Variants in CBFB observed in about 807,000 individuals in gnomAD.
CBFB encodes the protein core-binding factor subunit beta.
A neutral mutation model predicts 30.4 loss-of-function variants in CBFB; 9 were observed. The ratio of observed to expected loss-of-function variants is 0.30; its 90% CI spans 0.18 to 0.52. The LOEUF is 0.52. CBFB is among the 20% of genes least tolerant of loss of function. The pLI is 0.97. For missense variants in CBFB, 170 were observed against 244.0 expected (o/e 0.70, Z 2.02); for synonymous variants, 94 against 84.0 (o/e 1.12, Z -0.65).
At chr16:67,073,494 C>G (rs1366058731) in intron 4 of CBFB, among the ~76,000 whole-genome samples, 1 of 152,226 alleles carries the variant, frequency 6.6e-6, no homozygotes, top group Non-Finnish European at 1.5e-5. Flanking sequence ...CTTGTAATCC[C>G]TGCACTCTTG....
chr16:67,057,856 A>G (rs770988356), intron 3 of CBFB, among the ~76,000 whole-genome samples: 26 of 152,156 alleles, frequency 1.7e-4, no homozygotes, highest in Admixed American at 2.6e-4. Flanking sequence ...GTTTTGTTCC[A>G]TTAAGTTGTA....
intron 3 of CBFB, among the ~76,000 whole-genome samples, chr16:67,051,074 C>G (rs1966730410): frequency 6.6e-6 from 1 of 152,144 alleles, no homozygotes; most frequent in Admixed American, 6.5e-5. Context: ...TAACTGAAAT[C>G]ATGGAGAGCA....
At chr16:67,047,469 A>T (rs8050887) in intron 3 of CBFB, among the ~76,000 whole-genome samples, 2 of 152,062 alleles carry the variant, frequency 1.3e-5, no homozygotes, top group African/African-American at 4.8e-5. Context: ...AGATGTAAAG[A>T]CAGGTTAATC....
At chr16:67,062,238 G>A (rs1339328302) in intron 3 of CBFB, among the ~76,000 whole-genome samples, 1 of 148,998 alleles carries the variant, frequency 6.7e-6, no homozygotes, top group African/African-American at 2.5e-5. Context: ...GCATGATCTC[G>A]GCTCACTGCA....
intron 3 of CBFB, among the ~76,000 whole-genome samples, chr16:67,053,925 G>A (rs191253326): frequency 1.3e-5 from 2 of 150,684 alleles, no homozygotes; most frequent in East Asian, 2.0e-4. Context: ...GTGAGTCAAA[G>A]CACATCACCT....
chr16:67,032,495 G>A (rs1384621909), intron 2 of CBFB, among the ~76,000 whole-genome samples: 2 of 152,122 alleles, frequency 1.3e-5, no homozygotes, highest in Non-Finnish European at 2.9e-5. Context: ...GGAATTTCAC[G>A]TTTCCTAGTT....
At chr16:67,031,611 A>G (rs754462508) in intron 2 of CBFB, among the ~76,000 whole-genome samples, 1 of 152,200 alleles carries the variant, frequency 6.6e-6, no homozygotes, top group Non-Finnish European at 1.5e-5. Flanking sequence ...CCTGGGTTAA[A>G]GCGATTCTCC....
At chr16:67,079,943 T>A (rs1171348789) in intron 4 of CBFB, among the ~76,000 whole-genome samples, 1 of 152,140 alleles carries the variant, frequency 6.6e-6, no homozygotes, top group Admixed American at 6.5e-5. Flanking sequence ...GGTCAGGAGT[T>A]CGAGACCAGC....
At chr16:67,090,313 A>G (rs1961847970) in intron 5 of CBFB, among the ~76,000 whole-genome samples, 1 of 152,212 alleles carries the variant, frequency 6.6e-6, no homozygotes, top group Non-Finnish European at 1.5e-5. Context: ...AAAAATAAAA[A>G]ATAATCACAG....
intron 3 of CBFB, among the ~76,000 whole-genome samples, chr16:67,037,020 T>C (rs1304498376): frequency 1.3e-5 from 2 of 152,096 alleles, no homozygotes; most frequent in Non-Finnish European, 2.9e-5. Context: ...TGCCTCAGCC[T>C]CCTGAGTAGC....
chr16:67,037,009 C>A (rs867910400), intron 3 of CBFB, among the ~76,000 whole-genome samples: 43 of 152,114 alleles, frequency 2.8e-4, no homozygotes, highest in African/African-American at 1.0e-3. Context: ...AGCGATTCTC[C>A]TGCCTCAGCC....
At chr16:67,065,440 C>T (rs1961025882) in intron 3 of CBFB, among the ~76,000 whole-genome samples, 1 of 152,256 alleles carries the variant, frequency 6.6e-6, no homozygotes, top group South Asian at 2.1e-4. Context: ...CAGTATGAAG[C>T]CTGGCTAATT....
At position 67,100,047 on chromosome 16, in the gene CBFB, GCTTA is replaced by G. The variant is rs1295409599; in HGVS notation, c.*1272_*1275del. The G allele has an allele frequency of 1.4e-5, 3 of 211,718 alleles. No homozygotes were observed. Among genetic ancestry groups the G allele is most frequent in the Admixed American group, 5.9e-5 (1 of 16,974 alleles). The allele number at this position is 211,718 out of a possible 1,614,324, so 13.1% of individuals were successfully genotyped here. On this transcript the variant is annotated 3_prime_UTR_variant, in exon 6 of 6. Transcript: ENST00000412916. ...TAATGTAAGAATATTTTTTAAATAG[GCTTA>G]CTGTCAAATTGCAACTTTTTTTTTA...
At chr16:67,060,069 G>T (rs550205380) in intron 3 of CBFB, among the ~76,000 whole-genome samples, 84 of 151,736 alleles carry the variant, frequency 5.5e-4, no homozygotes, top group Admixed American at 1.6e-3. Flanking sequence ...CGACCTCCTG[G>T]GCTTAGGTGA....
At chr16:67,092,696 ATCTTTTTTTTTTTTTT>A in intron 5 of CBFB, among the ~76,000 whole-genome samples, 1 of 94,684 alleles carries the variant, frequency 1.1e-5, no homozygotes, top group South Asian at 3.6e-4. Flanking sequence ...CAGTGGTGCA[ATCTTTTTTTTTTTTTT>A]TTTTTTTTTT....
chr16:67,064,542 G>T (rs963329599), intron 3 of CBFB, among the ~76,000 whole-genome samples: 2 of 152,156 alleles, frequency 1.3e-5, no homozygotes, highest in African/African-American at 4.8e-5. Context: ...TTAGGTTAGT[G>T]TGGTATTAGG....
chr16:67,038,029 T>C (rs1966470368), intron 3 of CBFB, among the ~76,000 whole-genome samples: 3 of 151,888 alleles, frequency 2.0e-5, no homozygotes, highest in Non-Finnish European at 1.5e-5. Flanking sequence ...AGTCAAGGAG[T>C]TGACTTCTAG....
chr16:67,075,196 AATG>A (rs1292589851), intron 4 of CBFB, among the ~76,000 whole-genome samples: 2 of 42,116 alleles, frequency 4.7e-5, no homozygotes, highest in African/African-American at 2.3e-4. Flanking sequence ...TCTCAAAAAA[AATG>A]TGTGTGTGTG....
At chr16:67,077,870 C>T (rs903978075) in intron 4 of CBFB, among the ~76,000 whole-genome samples, 1 of 152,152 alleles carries the variant, frequency 6.6e-6, no homozygotes, top group South Asian at 2.1e-4. Flanking sequence ...AACTGCTAAG[C>T]CTTTATTTTC....
Sources: allele counts gnomAD v4.1 joint callset (sites outside exome capture counted in the v4.1 genomes callset), GRCh38; gene constraint gnomAD v4.1.1; transcripts MANE v1.5; gene names NCBI Gene and HGNC (gene_info 2026-07-23, HGNC 2026-07-21).